Variants in BATF2 observed in about 807,000 individuals in gnomAD.
BATF2 encodes basic leucine zipper ATF-like transcription factor 2, also known as basic leucine zipper transcriptional factor ATF-like 2.
Under a neutral mutation model 7.3 loss-of-function variants are expected in BATF2, and 4 were observed. That is an observed-to-expected ratio of 0.55 (90% CI 0.27 to 1.26). The LOEUF is 1.26. BATF2 is among the 50% of genes most tolerant of loss of function. BATF2 has a pLI of 0.11. For synonymous variants in BATF2, 152 were observed against 153.9 expected, an observed-to-expected ratio of 0.99 and a Z score of 0.09; for missense variants, 295 against 340.5, an observed-to-expected ratio of 0.87 and a Z score of 1.05.
At chr11:64,990,066 T>A in intron 2 of BATF2, 1 of 1,536,476 alleles carries the variant, frequency 6.5e-7, no homozygotes, top group Non-Finnish European at 8.7e-7. Context: ...GCCGGTGCCA[T>A]TTCTCACCTG....
At chr11:64,993,316 G>A (rs937820485) in intron 2 of BATF2, among the ~76,000 whole-genome samples, 5 of 152,170 alleles carry the variant, frequency 3.3e-5, no homozygotes, top group Non-Finnish European at 5.9e-5. Flanking sequence ...GCCAAGTGGC[G>A]CCACTGCACT....
At chr11:64,992,282 T>C (rs1378468422) in intron 2 of BATF2, among the ~76,000 whole-genome samples, 6 of 151,882 alleles carry the variant, frequency 4.0e-5, no homozygotes, top group Non-Finnish European at 7.4e-5. Context: ...GCCAGGCTGG[T>C]CTCGAACTCC....
Position 64,989,283 on chromosome 11 carries a change from T to C in BATF2, c.671A>G (p.Asp224Gly). 2 of 1,597,842 alleles carry C rather than the reference T, an allele frequency of 1.3e-6. No individual in the cohort carries two copies. The highest frequency in any genetic ancestry group is 1.7e-6 in the Non-Finnish European group (2 of 1,171,212). The change falls in exon 3 of 3, where the codon GAC (aspartate) becomes GGC (glycine). Residue 224 changes from aspartate to glycine, a missense_variant. Physicochemically the swap from Asp to Gly is moderately conservative, Grantham distance 94 (BLOSUM62 -1). Coordinates refer to ENST00000301887, the MANE Select transcript of BATF2 (RefSeq NM_138456.4). The surrounding 1 kb of genome is among the most constrained non-coding windows in gnomAD (Gnocchi z 4.3). ...PTRGKLGSSPDNPSSALGLAR... is the reference protein window; with the variant it reads ...PTRGKLGSSPGNPSSALGLAR... ...AAGCCCCAGGGCAGAGGAAGGGTTG[T>C]CGGGAGAGGACCCCAGCTTCCCTCT...
chr11:64,993,972 A>G (rs1276423042), intron 2 of BATF2, among the ~76,000 whole-genome samples: 1 of 151,766 alleles, frequency 6.6e-6, no homozygotes, highest in Non-Finnish European at 1.5e-5. Flanking sequence ...ACTATTTTTT[A>G]ATTTTTGTAG....
intron 1 of BATF2, 140 bp downstream of exon 1, chr11:64,996,736 G>A (rs1377723498): frequency 5.1e-6 from 5 of 986,992 alleles, no homozygotes; most frequent in East Asian, 2.8e-5. Flanking sequence ...CCAGAGAGGG[G>A]CATGCAGAGC....
At chr11:64,996,251 G>A (rs1012968762) in intron 1 of BATF2, among the ~76,000 whole-genome samples, 2 of 148,874 alleles carry the variant, frequency 1.3e-5, no homozygotes, top group African/African-American at 2.5e-5. Flanking sequence ...GTGAGCCACT[G>A]AGCCCGGCCT....
At position 64,988,688 on chromosome 11, in the gene BATF2, C is replaced by T. The variant is rs1282051723; in HGVS notation, c.*441G>A. 1 of 181,702 alleles carries T rather than the reference C, an allele frequency of 5.5e-6. No homozygotes were observed. The highest frequency in any genetic ancestry group is 1.0e-4 in the South Asian group (1 of 9,860). The allele number at this position is 181,702 out of a possible 1,614,324, so 11.3% of individuals were successfully genotyped here. A position where few individuals can be genotyped will look rare whatever the true frequency, so the allele number is the denominator to read the frequency against. On this transcript the variant is annotated 3_prime_UTR_variant, in exon 3 of 3. Coordinates refer to ENST00000301887, the MANE Select transcript of BATF2 (RefSeq NM_138456.4). ...CTGCATGGCTCTGGCCCTGGAATCA[C>T]GAAGCAGTGGGGAGAGCCCTTCTCT...
intron 1 of BATF2, 118 bp from the exon 2 acceptor site, chr11:64,994,667 A>G (rs2136880722): frequency 1.0e-6 from 1 of 954,876 alleles, no homozygotes; most frequent in Non-Finnish European, 1.6e-6. Context: ...AGGGTCTTTT[A>G]TCTCCCAGAA....
Position 64,989,450 on chromosome 11 carries a change from G to A in BATF2, c.504C>T (p.Val168=), listed in dbSNP as rs1333811204. 6 of 1,610,874 alleles carry A rather than the reference G, an allele frequency of 3.7e-6. No individual in the cohort carries two copies. The African/African-American group carries it at 8.0e-5, about 22-fold the overall frequency. Residue 168 remains valine, a synonymous_variant, in exon 3 of 3, where the codon GTC becomes GTT. Transcript: ENST00000301887. The surrounding 1 kb of genome is among the most constrained non-coding windows in gnomAD (Gnocchi z 4.3). The part of the protein sequence containing the change: ...LGPAVVAEPP[V]QLSPSPLLFA... ...ACAGGAGAGGGCTGGGGGACAGCTGGACAGGAGGTTCAGCAACCACAGCGG... is the reference window on the plus strand; with the variant it reads ...ACAGGAGAGGGCTGGGGGACAGCTGAACAGGAGGTTCAGCAACCACAGCGG...
In BATF2 at chr11:64,994,523, C is replaced by T; in HGVS notation, c.66G>A (p.Leu22=). ...CGGCTGCCCGGTTCTTCTGCTTCTT[C>T]AGCTGCCTTTGTTGCTCCTTGGGGT... ...QTDPKEQQRQ[L]KKQKNRAAAQ... is the part of the protein sequence containing the mutation. Residue 22 remains leucine (L), a synonymous_variant, in exon 2 of 3, where the codon CTG becomes CTA. Coordinates refer to ENST00000301887, the MANE Select transcript of BATF2 (RefSeq NM_138456.4). 1 of 1,603,764 alleles carries T rather than the reference C, an allele frequency of 6.2e-7. No individual in the cohort carries two copies. The highest frequency in any genetic ancestry group is 8.5e-7 in the Non-Finnish European group (1 of 1,175,270).
chr11:64,989,875 C>G lies in BATF2; in HGVS notation c.142-63G>C, dbSNP rs1946060756. On this transcript the variant is annotated intron_variant, in intron 2 of 2. Transcript: ENST00000301887. The surrounding 1 kb of genome is among the most constrained non-coding windows in gnomAD (Gnocchi z 4.3). ...CCAGTGTCAGGGGCCCCGCATGAGC[C>G]TTAGCCCCTTCCAGGGTCCTCAACT... The G allele has an allele frequency of 1.3e-6, 2 of 1,570,292 alleles. No homozygotes were observed. Among genetic ancestry groups the G allele is most frequent in the East Asian group, 4.6e-5 (2 of 43,774 alleles).
At position 64,996,919 on chromosome 11, in the gene BATF2, T is replaced by C. The variant is rs773054320; in HGVS notation, c.-5A>G. On this transcript the variant is annotated 5_prime_UTR_variant, in exon 1 of 3. Transcript: ENST00000301887. ...ATTGCCCCCACAGAGGTGCATGGCT[T>C]AGGCGGGGGAGCAGAGTGGTCCCTC... 2.8e-5 allele frequency: 44 copies of C among 1,595,142 alleles called. No individual in the cohort carries two copies. Among genetic ancestry groups the C allele is most frequent in the Non-Finnish European group, 3.7e-5 (43 of 1,169,802 alleles).
At position 64,989,258 on chromosome 11, in the gene BATF2, A is replaced by C; in HGVS notation, c.696T>G (p.Leu232=). 6.2e-7 allele frequency: 1 copy of C among 1,611,988 alleles called. No individual in the cohort carries two copies. The highest frequency in any genetic ancestry group is 2.2e-5 in the East Asian group (1 of 44,870). ...SPDNPSSALG[L]ARLQSREHKP... ...TGTGCTCCCTGCTCTGCAGACGTGC[A>C]AGCCCCAGGGCAGAGGAAGGGTTGT... Residue 232 remains leucine, a synonymous_variant, in exon 3 of 3, where the codon CTT becomes CTG. Transcript: ENST00000301887. The surrounding 1 kb of genome is among the most constrained non-coding windows in gnomAD (Gnocchi z 4.3).
At chr11:64,995,005 T>C (rs945175357) in intron 1 of BATF2, among the ~76,000 whole-genome samples, 6 of 152,054 alleles carry the variant, frequency 3.9e-5, no homozygotes, top group African/African-American at 7.2e-5. Context: ...CCTGCCACCA[T>C]TCCTGGCCAA....
At position 64,987,977 on chromosome 11, in the gene BATF2, A is replaced by G. The variant is rs1946036200; in HGVS notation, c.*1152T>C. On this transcript the variant is annotated 3_prime_UTR_variant, in exon 3 of 3. Transcript: ENST00000301887. ...GCAAAACACTTTATTTCCATCACAT[A>G]TGTGCCAAGACTTGTGTTCTGTATC... is the stretch of plus-strand genomic sequence containing the variant. The G allele has an allele frequency of 6.6e-6, 1 of 152,222 alleles. No homozygotes were observed. The highest frequency in any genetic ancestry group is 6.6e-5 in the Admixed American group (1 of 15,264). The allele number at this position is 152,222 out of a possible 1,614,324, so 9.4% of individuals were successfully genotyped here.
chr11:64,991,452 G>T (rs1467880538), intron 2 of BATF2, among the ~76,000 whole-genome samples: 1 of 152,190 alleles, frequency 6.6e-6, no homozygotes, highest in East Asian at 1.9e-4. Flanking sequence ...AATGTGCCTG[G>T]CCGGAATGAT....
Position 64,989,000 on chromosome 11 carries a change from C to G in BATF2, c.*129G>C. 1 of 1,030,136 alleles carries G rather than the reference C, an allele frequency of 9.7e-7. No individual in the cohort carries two copies. Among genetic ancestry groups the G allele is most frequent in the Non-Finnish European group, 1.5e-6 (1 of 680,860 alleles). The allele number at this position is 1,030,136 out of a possible 1,614,324, so 63.8% of individuals were successfully genotyped here. A position where few individuals can be genotyped will look rare whatever the true frequency, so the allele number is the denominator to read the frequency against. Reference sequence around the variant, plus strand: ...GAGGCATCAGTGGTGGCTTCCTTTTCGACTGTGAAATCCTGGGCCAGCTGG... The same window carrying G: ...GAGGCATCAGTGGTGGCTTCCTTTTGGACTGTGAAATCCTGGGCCAGCTGG... On this transcript the variant is annotated 3_prime_UTR_variant, in exon 3 of 3. Coordinates refer to ENST00000301887, the MANE Select transcript of BATF2 (RefSeq NM_138456.4).
rs535535115 is a variant in BATF2 at position 64,988,843 on chromosome 11, C to T, written c.*286G>A. 5 of 464,944 alleles carry T rather than the reference C, an allele frequency of 1.1e-5. No homozygotes were observed. Among genetic ancestry groups the T allele is most frequent in the Non-Finnish European group, 2.0e-5 (5 of 254,256 alleles). The allele number at this position is 464,944 out of a possible 1,614,324, so 28.8% of individuals were successfully genotyped here. On this transcript the variant is annotated 3_prime_UTR_variant, in exon 3 of 3. Transcript: ENST00000301887. ...TCGGGCTCCAAGAAAGTCTTCGTGACCTTGGACTTGTCACTTGGCTTCCCT... is the reference window on the plus strand; with the variant it reads ...TCGGGCTCCAAGAAAGTCTTCGTGATCTTGGACTTGTCACTTGGCTTCCCT...
chr11:64,989,596 G>T lies in BATF2; in HGVS notation c.358C>A (p.Gln120Lys). ...CCCGGGGTCTGGAACAGCTCCAGCT[G>T]CTCCCGGCAGCCATGTTGTCCCTGT... ...GPQGQHGCREQLELFQTPGSC... is the reference protein window; with the variant it reads ...GPQGQHGCREKLELFQTPGSC... Residue 120 changes from glutamine (Q) to lysine (K), a missense_variant, in exon 3 of 3, where the codon CAG (glutamine) becomes AAG (lysine). By Grantham distance (53) the Gln-to-Lys change is moderately conservative (BLOSUM62 1). Transcript: ENST00000301887. The surrounding 1 kb of genome is among the most constrained non-coding windows in gnomAD (Gnocchi z 4.3). The T allele has an allele frequency of 6.2e-7, 1 of 1,602,592 alleles. No individual in the cohort carries two copies. Among genetic ancestry groups the T allele is most frequent in the Middle Eastern group, 1.7e-4 (1 of 6,030 alleles).
Sources: allele counts gnomAD v4.1 joint callset (sites outside exome capture counted in the v4.1 genomes callset), GRCh38; gene constraint gnomAD v4.1.1; non-coding constraint Gnocchi (gnomAD v3.1); transcripts MANE v1.5; gene names NCBI Gene and HGNC (gene_info 2026-07-23, HGNC 2026-07-21).